Variants in C12orf54 observed in about 807,000 individuals in gnomAD.
C12orf54 encodes the protein chromosome 12 open reading frame 54, also known as uncharacterized protein C12orf54.
Under a neutral mutation model 26.4 loss-of-function variants are expected in C12orf54, and 24 were observed. The ratio of observed to expected loss-of-function variants is 0.91; its 90% CI spans 0.66 to 1.28. The LOEUF (loss-of-function observed/expected upper bound fraction) is 1.28. C12orf54 is among the 50% of genes most tolerant of loss of function. The pLI, the probability that C12orf54 is intolerant of heterozygous loss-of-function variation, is 0.00. For synonymous variants in C12orf54, 54 were observed against 47.0 expected (o/e 1.15, Z -0.61); for missense variants, 154 against 150.9 (o/e 1.02, Z -0.11).
the C12orf54 span, among the ~76,000 whole-genome samples, chr12:48,467,539 G>C: frequency 6.6e-6 from 1 of 152,008 alleles, no homozygotes; most frequent in East Asian, 1.9e-4. Flanking sequence ...ACCATAAAAA[G>C]TACACAATGT....
chr12:48,464,781 C>G, the C12orf54 span, among the ~76,000 whole-genome samples: 1 of 152,268 alleles, frequency 6.6e-6, no homozygotes, highest in African/African-American at 2.4e-5. Flanking sequence ...CTACAACTAT[C>G]TGATCTTCAA....
At chr12:48,489,717 TAAG>T (rs1411557888) in intron 5 of C12orf54, among the ~76,000 whole-genome samples, 133 of 142,086 alleles carry the variant, frequency 9.4e-4, no homozygotes, top group African/African-American at 3.5e-3. Context: ...GCGCCCAGCC[TAAG>T]AAGGATTTTT....
the C12orf54 span, among the ~76,000 whole-genome samples, chr12:48,465,483 A>G: frequency 2.6e-5 from 4 of 152,300 alleles, no homozygotes; most frequent in African/African-American, 7.2e-5. Context: ...AATTCATTCA[A>G]CCACTCTGGA....
the C12orf54 span, among the ~76,000 whole-genome samples, chr12:48,447,204 C>T: frequency 1.4e-4 from 18 of 130,676 alleles, no homozygotes; most frequent in Admixed American, 1.4e-3. Flanking sequence ...CTCTCTCTCT[C>T]TCTTACTCTG....
the C12orf54 span, among the ~76,000 whole-genome samples, chr12:48,418,224 T>TG: frequency 6.6e-6 from 1 of 152,162 alleles, no homozygotes. Flanking sequence ...ATGTATAAAA[T>TG]GGTACAGGGA....
chr12:48,485,913 G>T (rs1293169952), intron 2 of C12orf54, among the ~76,000 whole-genome samples: 3 of 152,114 alleles, frequency 2.0e-5, no homozygotes, highest in African/African-American at 7.2e-5. Context: ...TAATGACAGT[G>T]TCCATCACCT....
the C12orf54 span, among the ~76,000 whole-genome samples, chr12:48,419,951 C>G: frequency 1.3e-5 from 2 of 152,110 alleles, no homozygotes; most frequent in Non-Finnish European, 2.9e-5. Context: ...GCTCAAAACC[C>G]TTTTCTAGAT....
intron 7 of C12orf54, 87 bp from the exon 8 acceptor site, chr12:48,494,711 T>C (rs1937871943): frequency 1.4e-6 from 2 of 1,384,340 alleles, no homozygotes; most frequent in African/African-American, 2.9e-5. Flanking sequence ...AATAATAGAA[T>C]CTCTAAGGGC....
At chr12:48,429,824 C>A in the C12orf54 span, among the ~76,000 whole-genome samples, 1 of 152,074 alleles carries the variant, frequency 6.6e-6, no homozygotes, top group Admixed American at 6.6e-5. Flanking sequence ...TACTAAAATT[C>A]ATATGGAACC....
At chr12:48,452,816 C>T in the C12orf54 span, among the ~76,000 whole-genome samples, 3 of 152,052 alleles carry the variant, frequency 2.0e-5, no homozygotes, top group Non-Finnish European at 2.9e-5. Flanking sequence ...CCATCTCACA[C>T]CAGAATGTCT....
At chr12:48,444,651 A>G in the C12orf54 span, among the ~76,000 whole-genome samples, 16 of 152,206 alleles carry the variant, frequency 1.1e-4, no homozygotes, top group Non-Finnish European at 2.1e-4. Flanking sequence ...CGCTGCTGCA[A>G]TTTCACTATT....
At chr12:48,489,109 TG>T (rs759527796) in intron 5 of C12orf54, 153 bp downstream of exon 5, 2 of 829,936 alleles carry the variant, frequency 2.4e-6, no homozygotes, top group Non-Finnish European at 4.2e-6. Flanking sequence ...ACCACTGACT[TG>T]TCAGTCCAGG....
At chr12:48,437,022 G>GAATAA in the C12orf54 span, among the ~76,000 whole-genome samples, 9 of 150,782 alleles carry the variant, frequency 6.0e-5, no homozygotes, top group African/African-American at 2.2e-4. Context: ...GACTAATAAA[G>GAATAA]AAGAGAGAAG....
chr12:48,460,611 T>A, the C12orf54 span, among the ~76,000 whole-genome samples: 7 of 152,154 alleles, frequency 4.6e-5, no homozygotes, highest in African/African-American at 1.4e-4. Context: ...AAAATAGTAA[T>A]ATATTTTGGG....
intron 2 of C12orf54, among the ~76,000 whole-genome samples, chr12:48,485,274 TG>T (rs1954246420): frequency 7.0e-6 from 1 of 142,398 alleles, no homozygotes; most frequent in Non-Finnish European, 1.5e-5. Flanking sequence ...CTGTTTTGTT[TG>T]TTGTTGGTTT....
intron 3 of C12orf54, 22 bp from the exon 4 acceptor site, chr12:48,486,666 C>A (rs1305312525): frequency 1.2e-6 from 2 of 1,606,316 alleles, no homozygotes; most frequent in Non-Finnish European, 1.7e-6. Context: ...TTGTTTCCAA[C>A]ATTTGTTCCT....
chr12:48,429,800 A>G, the C12orf54 span, among the ~76,000 whole-genome samples: 28 of 152,292 alleles, frequency 1.8e-4, no homozygotes, highest in African/African-American at 6.7e-4. Flanking sequence ...TTCTTCACAG[A>G]TTAGAAAAAA....
chr12:48,454,765 T>C, the C12orf54 span, among the ~76,000 whole-genome samples: 2 of 152,234 alleles, frequency 1.3e-5, no homozygotes, highest in Non-Finnish European at 2.9e-5. Flanking sequence ...GTTGGGTAAC[T>C]ATAGTAACTT....
chr12:48,452,564 A>G, the C12orf54 span, among the ~76,000 whole-genome samples: 1 of 116,230 alleles, frequency 8.6e-6, no homozygotes, highest in Admixed American at 8.6e-5. Context: ...GAGTAAATAG[A>G]CAGCCTACAG....
Sources: gnomAD v4.1 joint callset for allele counts (sites outside exome capture counted in the v4.1 genomes callset) on GRCh38, gnomAD v4.1.1 for gene constraint, MANE v1.5 for transcripts, NCBI Gene and HGNC (gene_info 2026-07-23, HGNC 2026-07-21) for gene names.